FAM161A: variants seen among roughly 807,000 people sequenced by gnomAD.
FAM161A encodes the protein FAM161 centrosomal protein A, also known as protein FAM161A.
A neutral mutation model predicts 70.9 loss-of-function variants in FAM161A; 57 were observed. The observed-to-expected ratio is 0.80, with a 90% confidence interval of 0.65 to 1.00. The LOEUF (loss-of-function observed/expected upper bound fraction) is 1.00, where lower values mean the gene tolerates loss of function less well. Among genes scored for constraint, FAM161A ranks in the 50% least tolerant of loss-of-function variants. The pLI is 0.00. For missense variants in FAM161A, 880 were observed against 836.0 expected, an observed-to-expected ratio of 1.05 and a Z score of -0.65; for synonymous variants, 299 against 295.7, an observed-to-expected ratio of 1.01 and a Z score of -0.12.
chr2:61,828,028 T>C (rs1672439943), intron 5 of FAM161A, among the ~76,000 whole-genome samples: 1 of 152,160 alleles, frequency 6.6e-6, no homozygotes, highest in African/African-American at 2.4e-5. Flanking sequence ...GCAAAACAAC[T>C]ATATTGTTTG....
At chr2:61,800,631 TA>T in the FAM161A span, among the ~76,000 whole-genome samples, 56 of 152,252 alleles carry the variant, frequency 3.7e-4, no homozygotes, top group African/African-American at 1.3e-3. Context: ...TGTCATAAAG[TA>T]ACCCCAACTA....
chr2:61,826,818 T>C (rs548583143), intron 6 of FAM161A, among the ~76,000 whole-genome samples: 5 of 152,342 alleles, frequency 3.3e-5, no homozygotes, highest in African/African-American at 7.2e-5. Flanking sequence ...ATTTGAGTGA[T>C]TGTTTCTTTA....
intron 4 of FAM161A, 103 bp downstream of exon 4, chr2:61,838,435 C>T: frequency 2.0e-6 from 2 of 976,376 alleles, no homozygotes; most frequent in Non-Finnish European, 3.1e-6. Context: ...TAAGCTAAAA[C>T]ACTAATGCTA....
intron 5 of FAM161A, among the ~76,000 whole-genome samples, chr2:61,828,595 T>G (rs572480071): frequency 6.6e-6 from 1 of 152,344 alleles, no homozygotes; most frequent in South Asian, 2.1e-4. Context: ...CCCAAAGTGC[T>G]GGGATTACAG....
At chr2:61,821,472 A>C (rs963236904), downstream of FAM161A, among the ~76,000 whole-genome samples, 1 of 152,244 alleles carries the variant, frequency 6.6e-6, no homozygotes, top group African/African-American at 2.4e-5. Flanking sequence ...AAATGAAAAA[A>C]TAATTAGAGT....
At chr2:61,811,014 T>A in the FAM161A span, among the ~76,000 whole-genome samples, 1 of 152,166 alleles carries the variant, frequency 6.6e-6, no homozygotes, top group African/African-American at 2.4e-5. Flanking sequence ...AATACCATCC[T>A]CCAATTGCTC....
At chr2:61,801,694 G>A in the FAM161A span, among the ~76,000 whole-genome samples, 586 of 151,800 alleles carry the variant, frequency 3.9e-3, 2 homozygotes, top group African/African-American at 0.013. Flanking sequence ...CTGAGCAGCT[G>A]GGATTATAGA....
At position 61,825,991 on chromosome 2, in the gene FAM161A, A is replaced by G. The variant is rs1672348716; in HGVS notation, c.*464T>C. 2.2e-6 allele frequency: 1 copy of G among 454,166 alleles called. No individual in the cohort carries two copies. 28.1% of individuals were successfully genotyped at this position (454,166 alleles called of 1,614,324 possible). Reference sequence around the variant, plus strand: ...AGCAGCAAAACAAGTTAGAGGATTTATTCTGTGAAATGCACTGCAGAGAAA... The same window carrying G: ...AGCAGCAAAACAAGTTAGAGGATTTGTTCTGTGAAATGCACTGCAGAGAAA... On this transcript the variant is annotated 3_prime_UTR_variant, in exon 7 of 7. Coordinates refer to ENST00000404929, the MANE Select transcript of FAM161A (RefSeq NM_001201543.2).
chr2:61,829,993 A>G (rs530653658), intron 5 of FAM161A, among the ~76,000 whole-genome samples: 1 of 152,268 alleles, frequency 6.6e-6, no homozygotes, highest in African/African-American at 2.4e-5. Context: ...AAAAAAAGCA[A>G]TGGCGATTCA....
chr2:61,828,155 A>C (rs1466256476), intron 5 of FAM161A, among the ~76,000 whole-genome samples: 1 of 152,116 alleles, frequency 6.6e-6, no homozygotes, highest in East Asian at 1.9e-4. Flanking sequence ...GCAATGGCAC[A>C]TAGGGTTTTT....
At chr2:61,834,409 C>T (rs1672695262) in intron 5 of FAM161A, among the ~76,000 whole-genome samples, 1 of 151,486 alleles carries the variant, frequency 6.6e-6, no homozygotes, top group African/African-American at 2.4e-5. Context: ...GTACTATGCT[C>T]ATTACCTGGG....
chr2:61,815,793 C>T, the FAM161A span, among the ~76,000 whole-genome samples: 1 of 151,794 alleles, frequency 6.6e-6, no homozygotes, highest in Non-Finnish European at 1.5e-5. Flanking sequence ...TCAAGTGATC[C>T]CCGCACCTCA....
chr2:61,830,333 G>A (rs1672519707), intron 5 of FAM161A, among the ~76,000 whole-genome samples: 1 of 152,056 alleles, frequency 6.6e-6, no homozygotes, highest in Non-Finnish European at 1.5e-5. Flanking sequence ...AAATTTGACA[G>A]GTCTCTCAAT....
At chr2:61,841,922 G>C (rs1158168080) in intron 2 of FAM161A, among the ~76,000 whole-genome samples, 200 bp downstream of exon 2, 1 of 152,118 alleles carries the variant, frequency 6.6e-6, no homozygotes, top group African/African-American at 2.4e-5. Context: ...AGACCAAATG[G>C]CCACCAAATG....
chr2:61,822,432 T>C (rs571418117), downstream of FAM161A, among the ~76,000 whole-genome samples: 18 of 152,220 alleles, frequency 1.2e-4, no homozygotes, highest in African/African-American at 4.1e-4. Context: ...GACACCATAA[T>C]ATTATAGTCT....
the FAM161A span, among the ~76,000 whole-genome samples, chr2:61,809,146 T>A: frequency 1.3e-5 from 2 of 152,144 alleles, no homozygotes; most frequent in Non-Finnish European, 2.9e-5. Context: ...GTGCTGGGAT[T>A]ACAGGCATGA....
chr2:61,837,206 A>T (rs1336422657), intron 4 of FAM161A, among the ~76,000 whole-genome samples: 1 of 152,140 alleles, frequency 6.6e-6, no homozygotes, highest in Non-Finnish European at 1.5e-5. Flanking sequence ...GATCTCCTAC[A>T]GGTTAGTGGC....
chr2:61,846,088 CAAAAAAA>C (rs35291624), intron 1 of FAM161A, among the ~76,000 whole-genome samples: 4 of 69,018 alleles, frequency 5.8e-5, no homozygotes, highest in East Asian at 4.1e-4. Context: ...GACTCTGTCT[CAAAAAAA>C]AAAAAAAAAA....
the FAM161A span, among the ~76,000 whole-genome samples, chr2:61,807,725 C>T: frequency 6.6e-6 from 1 of 150,704 alleles, no homozygotes; most frequent in Non-Finnish European, 1.5e-5. Context: ...ACTGCAACCT[C>T]CACCTCCAGG....
Sources: gnomAD v4.1 joint callset for allele counts (sites outside exome capture counted in the v4.1 genomes callset) on GRCh38, gnomAD v4.1.1 for gene constraint, MANE v1.5 for transcripts, NCBI Gene and HGNC (gene_info 2026-07-23, HGNC 2026-07-21) for gene names.